Variants in DSE observed in about 807,000 individuals in gnomAD.
DSE encodes the protein dermatan sulfate epimerase, also known as dermatan-sulfate epimerase.
Under a neutral mutation model 84.4 loss-of-function variants are expected in DSE, and 36 were observed. The ratio of observed to expected loss-of-function variants is 0.43; its 90% CI spans 0.33 to 0.56. DSE has a LOEUF of 0.56. Among genes scored for constraint, DSE ranks in the 20% least tolerant of loss-of-function variants. The pLI is 0.06. For synonymous variants in DSE, 410 were observed against 430.1 expected (o/e 0.95, Z 0.58); for missense variants, 862 against 1,169.6 (o/e 0.74, Z 3.84).
At chr6:116,433,989 C>T (rs184382309) in intron 5 of DSE, among the ~76,000 whole-genome samples, 5 of 152,118 alleles carry the variant, frequency 3.3e-5, no homozygotes, top group African/African-American at 1.2e-4. Context: ...CTAGGTTATT[C>T]TGATAATCAC....
At chr6:116,284,790 A>G (rs1262184627) in intron 2 of DSE, among the ~76,000 whole-genome samples, 2 of 151,538 alleles carry the variant, frequency 1.3e-5, no homozygotes, top group African/African-American at 2.4e-5. Flanking sequence ...TGTCCTTGCA[A>G]TAGTTTGCTC....
chr6:116,314,019 T>G (rs962485240), intron 2 of DSE, among the ~76,000 whole-genome samples: 1 of 152,146 alleles, frequency 6.6e-6, no homozygotes, highest in African/African-American at 2.4e-5. Flanking sequence ...TTACATCAGG[T>G]TTACATTTTA....
chr6:116,409,555 A>G (rs535566552), intron 2 of DSE, among the ~76,000 whole-genome samples: 125 of 152,200 alleles, frequency 8.2e-4, no homozygotes, highest in Non-Finnish European at 1.5e-3. Context: ...CTGGGATTAC[A>G]GGCGTGAGCC....
intron 2 of DSE, among the ~76,000 whole-genome samples, chr6:116,265,129 G>A (rs569758546): frequency 2.0e-5 from 3 of 152,284 alleles, no homozygotes; most frequent in African/African-American, 7.2e-5. Context: ...ATGCTAGCAG[G>A]CATTCACCAC....
chr6:116,420,298 C>CT (rs1782986777), intron 2 of DSE, among the ~76,000 whole-genome samples: 1 of 152,122 alleles, frequency 6.6e-6, no homozygotes, highest in Non-Finnish European at 1.5e-5. Flanking sequence ...GCCCTAACCC[C>CT]TTATGTGGAA....
intron 2 of DSE, among the ~76,000 whole-genome samples, chr6:116,339,663 T>G (rs2114815129): frequency 6.6e-6 from 1 of 152,256 alleles, no homozygotes; most frequent in South Asian, 2.1e-4. Context: ...GCAGTGGGAA[T>G]GAAGAGGAGG....
intron 2 of DSE, among the ~76,000 whole-genome samples, chr6:116,411,508 C>A (rs1001169641): frequency 6.6e-6 from 1 of 152,100 alleles, no homozygotes; most frequent in African/African-American, 2.4e-5. Flanking sequence ...AAAAAAGGTT[C>A]CTGATGAAGT....
intron 2 of DSE, among the ~76,000 whole-genome samples, chr6:116,332,483 C>G (rs1272892746): frequency 6.6e-6 from 1 of 151,892 alleles, no homozygotes; most frequent in East Asian, 1.9e-4. Context: ...ACAAGACACT[C>G]TTGAATAGGA....
exon 2 of DSE, chr6:116,258,655 A>G (rs892331825): frequency 6.2e-7 from 1 of 1,612,458 alleles, no homozygotes; most frequent in Non-Finnish European, 8.5e-7. Context: ...ACCTGTGCAC[A>G]GCAGCCAGAT....
chr6:116,273,752 CCTTA>C (rs1772984537), intron 2 of DSE, among the ~76,000 whole-genome samples: 1 of 152,176 alleles, frequency 6.6e-6, no homozygotes, highest in Admixed American at 6.5e-5. Context: ...CCCATTCAAT[CCTTA>C]CTTATGCTAG....
At chr6:116,307,093 T>A (rs1349320360) in intron 2 of DSE, among the ~76,000 whole-genome samples, 1 of 152,238 alleles carries the variant, frequency 6.6e-6, no homozygotes, top group African/African-American at 2.4e-5. Flanking sequence ...TATCTTATAT[T>A]GGGTTGTTGA....
intron 2 of DSE, chr6:116,277,678 G>A (rs1773214805): frequency 1.3e-5 from 2 of 152,112 alleles, no homozygotes; most frequent in African/African-American, 4.8e-5. Context: ...GCTAAGGAGG[G>A]CGGATCACGA....
At chr6:116,282,728 G>A (rs900969899) in intron 2 of DSE, among the ~76,000 whole-genome samples, 30 of 152,226 alleles carry the variant, frequency 2.0e-4, no homozygotes, top group Admixed American at 6.5e-5. Flanking sequence ...CCTTGTAGGT[G>A]ATGGAAAGCT....
At chr6:116,346,814 A>C (rs1215522189) in intron 2 of DSE, among the ~76,000 whole-genome samples, 1 of 152,196 alleles carries the variant, frequency 6.6e-6, no homozygotes, top group Non-Finnish European at 1.5e-5. Flanking sequence ...GGATTAGGAA[A>C]AGAGGAAGTC....
chr6:116,258,309 C>T, intron 1 of DSE: 1 of 462,756 alleles, frequency 2.2e-6, no homozygotes, highest in East Asian at 4.6e-5. Context: ...AGCCACCGGA[C>T]CTGGCCAGAT....
chr6:116,353,379 T>C (rs1397588319), intron 2 of DSE, among the ~76,000 whole-genome samples: 1 of 152,242 alleles, frequency 6.6e-6, no homozygotes, highest in Non-Finnish European at 1.5e-5. Flanking sequence ...CTTTGTAGTA[T>C]TCCAAATAAA....
At chr6:116,267,287 G>T (rs76733543) in intron 2 of DSE, among the ~76,000 whole-genome samples, 6,187 of 152,236 alleles carry the variant, frequency 0.041, 420 homozygotes, top group African/African-American at 0.14. Flanking sequence ...TATCACAGAA[G>T]ATGACAACTC....
rs970452347 is a variant in DSE at position 116,348,445 on chromosome 6, C to CA, written c.-53-50743dup. Among the ~76,000 whole-genome samples, 233 of 136,932 alleles carry CA rather than the reference C, an allele frequency of 1.7e-3. 3 individuals are homozygous for CA. The highest frequency in any genetic ancestry group is 0.011 in the South Asian group (46 of 4,342). 89.8% of individuals were successfully genotyped at this position (136,932 alleles called of 152,430 possible). On this transcript the variant is annotated intron_variant, in intron 2 of 3. Coordinates refer to the DSE transcript ENST00000430252. ...CCGTCTCAAAAAAAACAAAAAAAAACAAAAAAAAAACCCCAAAAGTCAGGA... is the reference window on the plus strand; with the variant it reads ...CCGTCTCAAAAAAAACAAAAAAAAACAAAAAAAAAAACCCCAAAAGTCAGGA...
intron 2 of DSE, among the ~76,000 whole-genome samples, chr6:116,302,088 A>G (rs1424229744): frequency 6.6e-6 from 1 of 152,196 alleles, no homozygotes; most frequent in Non-Finnish European, 1.5e-5. Flanking sequence ...TAGTGCTGCA[A>G]TAAACATACG....
Sources: gnomAD v4.1 joint callset for allele counts (sites outside exome capture counted in the v4.1 genomes callset) on GRCh38, gnomAD v4.1.1 for gene constraint, MANE v1.5 for transcripts, NCBI Gene and HGNC (gene_info 2026-07-23, HGNC 2026-07-21) for gene names.